GGH: variants seen among roughly 807,000 people sequenced by gnomAD.
GGH encodes the protein gamma-glutamyl hydrolase, also known as gamma-Glu-X carboxypeptidase.
In GGH, 18 loss-of-function variants were observed where a neutral mutation model predicts 39.2. That is an observed-to-expected ratio of 0.46 (90% confidence interval 0.32 to 0.68). The LOEUF (loss-of-function observed/expected upper bound fraction) is 0.68. Among genes scored for constraint, GGH ranks in the 30% least tolerant of loss-of-function variants. The pLI is 0.04. For synonymous variants in GGH, 147 were observed against 138.8 expected (o/e 1.06, Z -0.42); for missense variants, 367 against 384.1 (o/e 0.96, Z 0.37).
chr8:63,038,757 C>T lies in GGH; in HGVS notation c.12G>A (p.Pro4=), dbSNP rs763479722. Residue 4 remains proline (P), a synonymous_variant, in exon 1 of 9, where the codon CCG becomes CCA. Transcript: ENST00000260118. The part of the protein sequence containing the change: MAS[P]GCLLCVLGLL... The stretch of plus-strand genomic sequence containing the variant: ...GGCCCAGCACGCACAGCAGGCAGCC[C>T]GGACTGGCCATGGCGCTCGCCGCCT... 6.4e-7 allele frequency: 1 copy of T among 1,562,954 alleles called. No individual in the cohort carries two copies. The highest frequency in any genetic ancestry group is 8.6e-7 in the Non-Finnish European group (1 of 1,157,534).
chr8:63,021,287 AGTT>A (rs2129644527), intron 7 of GGH, among the ~76,000 whole-genome samples: 3 of 152,220 alleles, frequency 2.0e-5, no homozygotes, highest in Non-Finnish European at 4.4e-5. Flanking sequence ...TGGACTTTTG[AGTT>A]GTTTTCCATT....
chr8:63,024,143 C>T lies in GGH; in HGVS notation c.543G>A (p.Leu181=), dbSNP rs1199180452. The change falls in exon 6 of 9, where the codon TTG becomes TTA. Residue 181 remains leucine, a synonymous_variant. Coordinates refer to ENST00000260118, the MANE Select transcript of GGH (RefSeq NM_003878.3). ...SRMFQNFPTE[L]LLSLAVEPLT... is the part of the protein sequence containing the mutation. ...GAGGTTCTACTGCTAATGACAGCAACAACTCAGTAGGAAAATTCTGGAACA... is the reference window on the plus strand; with the variant it reads ...GAGGTTCTACTGCTAATGACAGCAATAACTCAGTAGGAAAATTCTGGAACA... The T allele has an allele frequency of 6.2e-7, 1 of 1,611,406 alleles. No individual in the cohort carries two copies. Among genetic ancestry groups the T allele is most frequent in the South Asian group, 1.1e-5 (1 of 90,962 alleles).
intron 2 of GGH, 130 bp downstream of exon 2, chr8:63,035,526 G>A (rs1025292492): frequency 1.5e-6 from 2 of 1,331,580 alleles, no homozygotes; most frequent in African/African-American, 1.5e-5. Context: ...GGCTGGTCTC[G>A]AACTCCTGAC....
chr8:63,038,594 C>T, intron 1 of GGH, 66 bp downstream of exon 1: 8 of 558,210 alleles, frequency 1.4e-5, no homozygotes, highest in East Asian at 5.3e-5. Flanking sequence ...AGCGCGGCGG[C>T]GGGAGGCGCC....
chr8:63,017,827 TA>T (rs1804514820), intron 7 of GGH, 197 bp from the exon 8 acceptor site: 1 of 470,640 alleles, frequency 2.1e-6, no homozygotes, highest in East Asian at 3.5e-5. Flanking sequence ...TTTCACTGAT[TA>T]GCAACCTTTT....
chr8:63,022,716 T>C (rs1266293917), intron 7 of GGH, among the ~76,000 whole-genome samples: 1 of 151,172 alleles, frequency 6.6e-6, no homozygotes, highest in Non-Finnish European at 1.5e-5. Flanking sequence ...TCAGTAGAGA[T>C]GGGGTTTCAC....
At chr8:63,018,680 G>A (rs938831284) in intron 7 of GGH, among the ~76,000 whole-genome samples, 1 of 152,178 alleles carries the variant, frequency 6.6e-6, no homozygotes, top group Non-Finnish European at 1.5e-5. Flanking sequence ...GACTACCTGT[G>A]AAGCTACCAG....
Position 63,017,509 on chromosome 8 carries a change from C to T in GGH, c.819G>A (p.Glu273=), listed in dbSNP as rs1804506513. 1.2e-6 allele frequency: 2 copies of T among 1,609,578 alleles called. No homozygotes were observed. Among genetic ancestry groups the T allele is most frequent in the East Asian group, 4.5e-5 (2 of 44,794 alleles). The change falls in exon 8 of 9, where the codon GAG becomes GAA. Residue 273 remains glutamate, a synonymous_variant. Transcript: ENST00000260118. ...TCATATTACCTTCATTAACAAAAAACTCTGCTAAATAAAATGCGGTTTTCA... is the reference window on the plus strand; with the variant it reads ...TCATATTACCTTCATTAACAAAAAATTCTGCTAAATAAAATGCGGTTTTCA... ...NAVKTAFYLA[E]FFVNEARKNN...
chr8:63,025,097 T>C (rs1804660316), intron 5 of GGH: 1 of 152,220 alleles, frequency 6.6e-6, no homozygotes, highest in Admixed American at 6.5e-5. Context: ...TCATTATCTA[T>C]TTATACAGAG....
At position 63,025,612 on chromosome 8, in the gene GGH, TC is replaced by T. The variant is rs553332834; in HGVS notation, c.499+545del. ...GCCAGGTGTGGTAGGGTGCCTGTAG[TC>T]CCAGCTACTCAGGGGGCTGAGGCAG... is the stretch of plus-strand genomic sequence containing the variant. On this transcript the variant is annotated intron_variant, in intron 5 of 8. Transcript: ENST00000260118. Among the ~76,000 whole-genome samples the T allele has an allele frequency of 1.9e-3, 283 of 152,150 alleles. 1 individual carries two copies. Among genetic ancestry groups the T allele is most frequent in the Non-Finnish European group, 3.3e-3 (227 of 67,990 alleles).
chr8:63,026,361 T>C, intron 4 of GGH, 65 bp from the exon 5 acceptor site: 1 of 1,326,022 alleles, frequency 7.5e-7, no homozygotes, highest in Non-Finnish European at 1.1e-6. Flanking sequence ...ATTAGCCATA[T>C]CTTTTGTCAT....
intron 2 of GGH, among the ~76,000 whole-genome samples, chr8:63,033,947 A>AT (rs1386857612): frequency 1.4e-5 from 2 of 148,144 alleles, no homozygotes; most frequent in African/African-American, 5.0e-5. Flanking sequence ...ATATGATTTC[A>AT]TTCTTTTTTA....
intron 1 of GGH, 133 bp downstream of exon 1, chr8:63,038,527 C>T (rs1804953442): frequency 4.2e-6 from 2 of 477,492 alleles, no homozygotes; most frequent in Non-Finnish European, 7.4e-6. Flanking sequence ...CGGGTTCCTC[C>T]TTGCACCAAA....
intron 1 of GGH, 117 bp from the exon 2 acceptor site, chr8:63,035,887 G>A (rs1032472551): frequency 1.0e-6 from 1 of 961,868 alleles, no homozygotes; most frequent in Admixed American, 2.6e-5. Context: ...AATTAAATAG[G>A]AAGTCTCTCC....
chr8:63,038,708 G>C lies in GGH; in HGVS notation c.61C>G (p.Leu21Val), dbSNP rs1014630480. 1.3e-6 allele frequency: 2 copies of C among 1,584,878 alleles called. No homozygotes were observed. Among genetic ancestry groups the C allele is most frequent in the South Asian group, 1.1e-5 (1 of 87,390 alleles). ...TCGCCGTGGGGTCTAGACAGCTCGA[G>C]GCTCGCCGCCCCGCAGAGTAGCAGG... The part of the protein sequence containing the change: ...LGLLLCGAAS[L>V]ELSRPHGDTA... The change falls in exon 1 of 9, where the codon CTC becomes GTC. Residue 21 changes from leucine to valine, a missense_variant. By Grantham distance (32) the Leu-to-Val change is conservative. Transcript: ENST00000260118.
Position 63,026,282 on chromosome 8 carries a change from T to C in GGH, c.375A>G (p.Gly125=). 6.2e-7 allele frequency: 1 copy of C among 1,601,674 alleles called. No homozygotes were observed. The highest frequency in any genetic ancestry group is 8.5e-7 in the Non-Finnish European group (1 of 1,175,516). Reference sequence around the variant, plus strand: ...ATGTGCCCCACACAGGAAAATAGTCTCCATCATCAAAACTCTTTGCAAGTG... The same window carrying C: ...ATGTGCCCCACACAGGAAAATAGTCCCCATCATCAAAACTCTTTGCAAGTG... ...YNLSIQSFDD[G]DYFPVWGTCL... The change falls in exon 5 of 9, where the codon GGA becomes GGG. Residue 125 remains glycine, a synonymous_variant. Transcript: ENST00000260118.
At chr8:63,024,293 A>G (rs911315574) in intron 5 of GGH, 107 bp from the exon 6 acceptor site, 4 of 632,824 alleles carry the variant, frequency 6.3e-6, no homozygotes, top group East Asian at 2.8e-5. Context: ...CATAATCAAG[A>G]TGACCAAATG....
intron 4 of GGH, 73 bp from the exon 5 acceptor site, chr8:63,026,369 C>T (rs563438293): frequency 1.6e-6 from 2 of 1,221,364 alleles, no homozygotes; most frequent in Non-Finnish European, 1.2e-6. Context: ...TATCTTTTGT[C>T]ATAACCAAAT....
chr8:63,026,036 A>AT, intron 5 of GGH, 122 bp downstream of exon 5: 2 of 746,998 alleles, frequency 2.7e-6, no homozygotes, highest in Non-Finnish European at 2.2e-6. Context: ...TGTCATAAGC[A>AT]TTTTTTCCTT....
Sources: allele counts gnomAD v4.1 joint callset (sites outside exome capture counted in the v4.1 genomes callset), GRCh38; gene constraint gnomAD v4.1.1; transcripts MANE v1.5; gene names NCBI Gene and HGNC (gene_info 2026-07-23, HGNC 2026-07-21).